LPCAT2: variants seen among roughly 807,000 people sequenced by gnomAD.
LPCAT2 encodes the protein lysophosphatidylcholine acyltransferase 2, also known as 1-AGP acyltransferase 11.
LPCAT2 carries 58 observed loss-of-function variants against 64.7 expected under a neutral mutation model. The observed-to-expected ratio is 0.90, with a 90% CI of 0.73 to 1.12. The LOEUF (loss-of-function observed/expected upper bound fraction) is 1.12, where lower values mean the gene tolerates loss of function less well. Ranked by LOEUF, LPCAT2 falls within the 50% of genes most tolerant of loss-of-function variation. The probability of loss-of-function intolerance (pLI) is 0.00; values close to 1 mark genes in which losing one functional copy is unlikely to be tolerated. For synonymous variants in LPCAT2, 252 were observed against 245.3 expected, an observed-to-expected ratio of 1.03 and a Z score of -0.26; for missense variants, 579 against 669.8, an observed-to-expected ratio of 0.86 and a Z score of 1.50.
At chr16:55,566,359 G>T (rs984445317) in intron 11 of LPCAT2, among the ~76,000 whole-genome samples, 2 of 152,084 alleles carry the variant, frequency 1.3e-5, no homozygotes, top group African/African-American at 2.4e-5. Context: ...ATAAATTTTT[G>T]ATTTCCTTGC....
intron 11 of LPCAT2, among the ~76,000 whole-genome samples, chr16:55,569,954 CTATT>C (rs772447393): frequency 1.3e-5 from 2 of 152,110 alleles, no homozygotes; most frequent in Admixed American, 1.3e-4. Flanking sequence ...ATATGCAAGA[CTATT>C]TATAGCCTAA....
intron 8 of LPCAT2, among the ~76,000 whole-genome samples, chr16:55,543,402 C>T (rs1217550724): frequency 6.6e-6 from 1 of 152,094 alleles, no homozygotes; most frequent in Non-Finnish European, 1.5e-5. Flanking sequence ...TCAGTATGAC[C>T]TTTTATGACC....
chr16:55,569,672 C>T (rs1377729917), intron 11 of LPCAT2, among the ~76,000 whole-genome samples: 6 of 152,148 alleles, frequency 3.9e-5, no homozygotes, highest in Non-Finnish European at 8.8e-5. Flanking sequence ...TCTCTTCCAG[C>T]ATGCTCATGG....
At chr16:55,580,749 G>A (rs746587019) in intron 13 of LPCAT2, among the ~76,000 whole-genome samples, 14 of 152,186 alleles carry the variant, frequency 9.2e-5, no homozygotes, top group Non-Finnish European at 1.8e-4. Context: ...TTACACAGCA[G>A]GAGGTGAGTG....
rs1337654495 is a variant in LPCAT2 at position 55,585,017 on chromosome 16, G to A, written c.*1919G>A. ...TAATCCTATTAATCATGAAAGCGTA[G>A]CATTGTAAATTAAAGGTTTTCTTTG... On this transcript the variant is annotated 3_prime_UTR_variant, in exon 14 of 14. Transcript: ENST00000262134. The A allele has an allele frequency of 6.6e-6, 1 of 152,124 alleles. No individual in the cohort carries two copies. Among genetic ancestry groups the A allele is most frequent in the African/African-American group, 2.4e-5 (1 of 41,428 alleles). The allele number at this position is 152,124 out of a possible 1,614,324, so 9.4% of individuals were successfully genotyped here. A position where few individuals can be genotyped will look rare whatever the true frequency, so the allele number is the denominator to read the frequency against.
At chr16:55,575,204 A>G (rs527860069) in intron 12 of LPCAT2, among the ~76,000 whole-genome samples, 68 of 152,248 alleles carry the variant, frequency 4.5e-4, no homozygotes, top group African/African-American at 1.6e-3. Flanking sequence ...TAAATGTCCC[A>G]AGTTCCTGCC....
At chr16:55,527,731 T>C (rs1963191766) in intron 2 of LPCAT2, among the ~76,000 whole-genome samples, 1 of 152,146 alleles carries the variant, frequency 6.6e-6, no homozygotes, top group African/African-American at 2.4e-5. Context: ...TTTAAAAAAG[T>C]AGTTTCTGGA....
intron 1 of LPCAT2, among the ~76,000 whole-genome samples, chr16:55,512,057 AAAAATAGTGTGCTTACCATGTACAC>A (rs1169389674): frequency 6.6e-6 from 1 of 152,222 alleles, no homozygotes; most frequent in African/African-American, 2.4e-5. Context: ...AACATTAGCT[AAAAATAGTGTGCTTACCATGTACAC>A]AGAGCTTCAA....
chr16:55,557,567 A>G (rs1198055947), intron 11 of LPCAT2, among the ~76,000 whole-genome samples: 3 of 152,166 alleles, frequency 2.0e-5, no homozygotes, highest in Non-Finnish European at 4.4e-5. Context: ...TGGGAAAGAG[A>G]AAAGGTAAGG....
At position 55,574,615 on chromosome 16, in the gene LPCAT2, T is replaced by A; in HGVS notation, c.1216-16T>A. ...ACTAGTGGCCCTCCTAATTGATTTA[T>A]CCCATCCTTTCACAGAACCATGATG... On this transcript the variant is annotated splice_polypyrimidine_tract_variant and intron_variant, in intron 11 of 13. Coordinates refer to ENST00000262134, the MANE Select transcript of LPCAT2 (RefSeq NM_017839.5). The A allele has an allele frequency of 6.3e-7, 1 of 1,581,860 alleles. No homozygotes were observed. Among genetic ancestry groups the A allele is most frequent in the Non-Finnish European group, 8.7e-7 (1 of 1,150,976 alleles).
chr16:55,559,536 G>T (rs1244497739), intron 11 of LPCAT2, among the ~76,000 whole-genome samples: 1 of 152,096 alleles, frequency 6.6e-6, no homozygotes, highest in African/African-American at 2.4e-5. Context: ...AGAATGTAGG[G>T]TGCTGTAGTG....
At chr16:55,528,694 A>G in intron 3 of LPCAT2, 100 bp downstream of exon 3, 2 of 853,800 alleles carry the variant, frequency 2.3e-6, no homozygotes, top group Non-Finnish European at 3.7e-6. Context: ...TAAAAAGTTT[A>G]AAATAAACAT....
At chr16:55,519,900 T>A (rs1963071228) in intron 1 of LPCAT2, among the ~76,000 whole-genome samples, 1 of 151,860 alleles carries the variant, frequency 6.6e-6, no homozygotes, top group African/African-American at 2.4e-5. Flanking sequence ...TACAAGAAGG[T>A]ATAGCAAAGG....
intron 8 of LPCAT2, among the ~76,000 whole-genome samples, chr16:55,544,086 T>C (rs946955722): frequency 1.3e-5 from 2 of 152,198 alleles, no homozygotes; most frequent in Non-Finnish European, 2.9e-5. Flanking sequence ...TCTTAGTCTC[T>C]TCTTTGGTGC....
chr16:55,514,436 G>A (rs1195804385), intron 1 of LPCAT2, among the ~76,000 whole-genome samples: 2 of 152,176 alleles, frequency 1.3e-5, no homozygotes, highest in Non-Finnish European at 2.9e-5. Context: ...GGTTTCAGGT[G>A]CTTAAGAAAA....
At chr16:55,561,857 C>T (rs1169710618) in intron 11 of LPCAT2, among the ~76,000 whole-genome samples, 3 of 151,860 alleles carry the variant, frequency 2.0e-5, no homozygotes, top group African/African-American at 7.2e-5. Context: ...TTCATTGTGC[C>T]TATGAGAAAT....
At chr16:55,567,437 T>C in intron 11 of LPCAT2, 2 of 1,613,776 alleles carry the variant, frequency 1.2e-6, no homozygotes, top group South Asian at 1.1e-5. Flanking sequence ...AGTCTCTGGA[T>C]AGAGATAGAG....
At chr16:55,545,632 A>G in intron 8 of LPCAT2, 103 bp from the exon 9 acceptor site, 2 of 736,908 alleles carry the variant, frequency 2.7e-6, no homozygotes, top group East Asian at 5.3e-5. Context: ...ATGTTCTAGA[A>G]AGGTAGATGA....
intron 1 of LPCAT2, among the ~76,000 whole-genome samples, chr16:55,514,890 T>TTGTGTGTGTGTGTG (rs35295405): frequency 7.8e-5 from 11 of 141,236 alleles, no homozygotes; most frequent in African/African-American, 2.1e-4. Flanking sequence ...ATGCAATGCA[T>TTGTGTGTGTGTGTG]TGTGTGTGTG....
Sources: gnomAD v4.1 joint callset for allele counts (sites outside exome capture counted in the v4.1 genomes callset) on GRCh38, gnomAD v4.1.1 for gene constraint, MANE v1.5 for transcripts, NCBI Gene and HGNC (gene_info 2026-07-23, HGNC 2026-07-21) for gene names.